Variants in HMGA2 observed in about 807,000 individuals in gnomAD.
The protein encoded by HMGA2 is high mobility group protein HMGI-C.
A neutral mutation model predicts 19.1 loss-of-function variants in HMGA2; 8 were observed. That is an observed-to-expected ratio of 0.42 (90% CI 0.25 to 0.76). The LOEUF (loss-of-function observed/expected upper bound fraction) is 0.76, where lower values mean the gene tolerates loss of function less well. Among genes scored for constraint, HMGA2 ranks in the 30% least tolerant of loss-of-function variants. HMGA2 has a pLI of 0.28. For missense variants in HMGA2, 109 were observed against 136.3 expected (o/e 0.80, Z 1.00); for synonymous variants, 60 against 48.8 (o/e 1.23, Z -0.96).
At chr12:65,957,157 GGCC>G (rs1381328330) in intron 4 of HMGA2, 1 of 152,118 alleles carries the variant, frequency 6.6e-6, no homozygotes, top group Non-Finnish European at 1.5e-5. Context: ...TCTGTTCCCT[GGCC>G]GCAAATACAA....
chr12:65,880,473 T>A (rs1448953441), intron 3 of HMGA2, among the ~76,000 whole-genome samples: 1 of 152,208 alleles, frequency 6.6e-6, no homozygotes, highest in Non-Finnish European at 1.5e-5. Flanking sequence ...TAAACAAATA[T>A]TTCATTTTAG....
At chr12:65,827,717 T>C (rs1399484647) in intron 1 of HMGA2, among the ~76,000 whole-genome samples, 1 of 152,256 alleles carries the variant, frequency 6.6e-6, no homozygotes, top group African/African-American at 2.4e-5. Flanking sequence ...TATATGACTT[T>C]CTTTCTAGAA....
At chr12:65,930,282 CCCTCA>C (rs1324563552) in intron 3 of HMGA2, among the ~76,000 whole-genome samples, 1 of 152,154 alleles carries the variant, frequency 6.6e-6, no homozygotes, top group Non-Finnish European at 1.5e-5. Flanking sequence ...CATGAGCTCT[CCCTCA>C]CTCTTTGAGG....
At chr12:65,917,262 C>T (rs1875137086) in intron 3 of HMGA2, among the ~76,000 whole-genome samples, 1 of 152,126 alleles carries the variant, frequency 6.6e-6, no homozygotes, top group South Asian at 2.1e-4. Context: ...GGCCTAAGGT[C>T]CCTGCCACTG....
In HMGA2 at chr12:65,832,274, A is replaced by T. The variant is rs147899693; in HGVS notation, c.198+4187A>T. ...TTTAATCATCACAGATTATGATCCA[A>T]ATATGGGAGATTGAAATACATTTGA... On this transcript the variant is annotated intron_variant, in intron 2 of 4. Transcript: ENST00000403681. Among the ~76,000 whole-genome samples, 420 of 152,078 alleles carry T rather than the reference A, an allele frequency of 2.8e-3. 1 individual carries two copies. Among genetic ancestry groups the T allele is most frequent in the African/African-American group, 9.5e-3 (395 of 41,534 alleles).
intron 4 of HMGA2, among the ~76,000 whole-genome samples, chr12:65,959,271 G>C (rs1353633146): frequency 6.6e-6 from 1 of 152,124 alleles, no homozygotes; most frequent in Non-Finnish European, 1.5e-5. Flanking sequence ...AAAGAACAGT[G>C]ATATGTGCAA....
At chr12:65,898,194 A>G (rs1368584179) in intron 3 of HMGA2, among the ~76,000 whole-genome samples, 1 of 152,082 alleles carries the variant, frequency 6.6e-6, no homozygotes, top group Non-Finnish European at 1.5e-5. Context: ...CCAAATCCCT[A>G]CCTCAATACA....
intron 3 of HMGA2, among the ~76,000 whole-genome samples, chr12:65,890,677 T>C (rs973963336): frequency 6.6e-6 from 1 of 152,028 alleles, no homozygotes; most frequent in Non-Finnish European, 1.5e-5. Flanking sequence ...AAGTCCTTCT[T>C]GGATTAAGCT....
chr12:65,963,630 G>C lies in HMGA2; in HGVS notation c.*338G>C. 2 of 404,586 alleles carry C rather than the reference G, an allele frequency of 4.9e-6. No homozygotes were observed. Among genetic ancestry groups the C allele is most frequent in the South Asian group, 5.5e-5 (2 of 36,210 alleles). 25.1% of individuals were successfully genotyped at this position (404,586 alleles called of 1,614,324 possible). ...GTTGATCTGATAAGCAAGAGTGGGCGGGTGAGAAAAACCGAATTGGGTTTA... is the reference window on the plus strand; with the variant it reads ...GTTGATCTGATAAGCAAGAGTGGGCCGGTGAGAAAAACCGAATTGGGTTTA... On this transcript the variant is annotated 3_prime_UTR_variant, in exon 5 of 5. Transcript: ENST00000403681.
In HMGA2 at chr12:65,964,968, A is replaced by C. The variant is rs1876865563; in HGVS notation, c.*1676A>C. On this transcript the variant is annotated 3_prime_UTR_variant, in exon 5 of 5. Transcript: ENST00000403681. ...AATTGACTTGCAAAGACCTACCTCC[A>C]GACTTCAAAAGGAATGAACTTGTTA... 5.3e-6 allele frequency: 1 copy of C among 188,090 alleles called. No individual in the cohort carries two copies. The highest frequency in any genetic ancestry group is 1.1e-5 in the Non-Finnish European group (1 of 89,022). 11.7% of individuals were successfully genotyped at this position (188,090 alleles called of 1,614,324 possible). A position where few individuals can be genotyped will look rare whatever the true frequency, so the allele number is the denominator to read the frequency against.
chr12:65,847,101 C>T (rs1415313175), intron 3 of HMGA2, among the ~76,000 whole-genome samples: 1 of 152,126 alleles, frequency 6.6e-6, no homozygotes, highest in Non-Finnish European at 1.5e-5. Flanking sequence ...TACACACACA[C>T]ACTTATATAT....
intron 3 of HMGA2, among the ~76,000 whole-genome samples, chr12:65,888,554 CTTTTTT>C (rs1180942808): frequency 1.5e-4 from 6 of 40,544 alleles, no homozygotes; most frequent in Non-Finnish European, 2.5e-4. Context: ...GTGGTGTGCT[CTTTTTT>C]TTTTTTTTTT....
rs1870021295 is a variant in HMGA2 at position 65,824,706 on chromosome 12, C to T, written c.-565C>T. Reference sequence around the variant, plus strand: ...CGACTGCCCAAGGCACTTTCAATCTCAATCTCTTCTCTCTCTCTCTCTCTC... The same window carrying T: ...CGACTGCCCAAGGCACTTTCAATCTTAATCTCTTCTCTCTCTCTCTCTCTC... On this transcript the variant is annotated 5_prime_UTR_variant, in exon 1 of 5. Coordinates refer to ENST00000403681, the MANE Select transcript of HMGA2 (RefSeq NM_003483.6). The T allele has an allele frequency of 4.6e-6, 1 of 215,056 alleles. No homozygotes were observed. The highest frequency in any genetic ancestry group is 9.0e-6 in the Non-Finnish European group (1 of 111,278). 13.3% of individuals were successfully genotyped at this position (215,056 alleles called of 1,614,324 possible).
At chr12:65,862,782 C>T (rs1372534928) in intron 3 of HMGA2, among the ~76,000 whole-genome samples, 1 of 152,056 alleles carries the variant, frequency 6.6e-6, no homozygotes. Context: ...TAGCTGAAGC[C>T]ATGGCTGTGG....
At chr12:65,853,720 TCC>T (rs772936852) in intron 3 of HMGA2, among the ~76,000 whole-genome samples, 25 of 152,172 alleles carry the variant, frequency 1.6e-4, no homozygotes, top group South Asian at 6.2e-4. Context: ...CGCACAGGGG[TCC>T]CACCCTTCCT....
chr12:65,854,369 G>A (rs928906374), intron 3 of HMGA2, among the ~76,000 whole-genome samples: 2 of 152,126 alleles, frequency 1.3e-5, no homozygotes, highest in African/African-American at 4.8e-5. Context: ...CGTGCCTTGT[G>A]GGCTTTGACC....
chr12:65,832,495 G>T (rs1377113138), intron 2 of HMGA2, among the ~76,000 whole-genome samples: 1 of 151,878 alleles, frequency 6.6e-6, no homozygotes, highest in African/African-American at 2.4e-5. Flanking sequence ...GTATTCTATT[G>T]CATTTCAGTT....
At chr12:65,899,637 A>G (rs927961096) in intron 3 of HMGA2, among the ~76,000 whole-genome samples, 3 of 152,010 alleles carry the variant, frequency 2.0e-5, no homozygotes, top group Admixed American at 6.5e-5. Context: ...AGCCTAACTC[A>G]CTCTAGACTG....
chr12:65,914,719 G>A, intron 3 of HMGA2: 1 of 321,014 alleles, frequency 3.1e-6, no homozygotes. Flanking sequence ...TTGTTGCTCA[G>A]GCTGGAGTGC....
Sources: gnomAD v4.1 joint callset for allele counts (sites outside exome capture counted in the v4.1 genomes callset) on GRCh38, gnomAD v4.1.1 for gene constraint, MANE v1.5 for transcripts, NCBI Gene and HGNC (gene_info 2026-07-23, HGNC 2026-07-21) for gene names.